Variants in CCDC7 observed in about 807,000 individuals in gnomAD.
The protein encoded by CCDC7 is coiled-coil domain-containing protein 7.
Under a neutral mutation model 196.9 loss-of-function variants are expected in CCDC7, and 183 were observed. That is an observed-to-expected ratio of 0.93 (90% confidence interval 0.82 to 1.05). The LOEUF (loss-of-function observed/expected upper bound fraction) is 1.05, where lower values mean the gene tolerates loss of function less well. Among genes scored for constraint, CCDC7 ranks in the 50% least tolerant of loss-of-function variants. The probability of loss-of-function intolerance (pLI) is 0.00; values close to 1 mark genes in which losing one functional copy is unlikely to be tolerated. For synonymous variants in CCDC7, 525 were observed against 484.6 expected (o/e 1.08, Z -1.10); for missense variants, 1,540 against 1,482.2 (o/e 1.04, Z -0.64).
upstream of CCDC7, among the ~76,000 whole-genome samples, chr10:32,443,417 T>C (rs1429366814): frequency 6.6e-6 from 1 of 152,180 alleles, no homozygotes; most frequent in Non-Finnish European, 1.5e-5. Context: ...ACCCTTCACA[T>C]TATCCCTTGA....
intron 18 of CCDC7, among the ~76,000 whole-genome samples, chr10:32,597,025 A>G (rs11527642): frequency 0.089 from 13,542 of 152,056 alleles, 858 homozygotes; most frequent in East Asian, 0.33. Flanking sequence ...TTCTCAAGGA[A>G]TATCTTTGTG....
intron 41 of CCDC7, among the ~76,000 whole-genome samples, chr10:32,871,142 T>C (rs2094413960): frequency 6.6e-6 from 1 of 152,212 alleles, no homozygotes; most frequent in South Asian, 2.1e-4. Flanking sequence ...ATTCTCTCTT[T>C]TTCTATTGAT....
At chr10:32,799,999 C>G (rs2084444161) in intron 29 of CCDC7, among the ~76,000 whole-genome samples, 1 of 152,234 alleles carries the variant, frequency 6.6e-6, no homozygotes, top group Admixed American at 6.5e-5. Flanking sequence ...TTTGCCAAGT[C>G]AGTGGCCACA....
In CCDC7 at chr10:32,595,987, T is replaced by G. The variant is rs138279031; in HGVS notation, c.1801+11683T>G. Among the ~76,000 whole-genome samples, 1,004 of 152,294 alleles carry G rather than the reference T, an allele frequency of 6.6e-3. 8 individuals are homozygous for G. Among genetic ancestry groups the G allele is most frequent in the African/African-American group, 0.022 (899 of 41,564 alleles). ...ACTATGTGGTCAATTTTGGAATACG[T>G]GTGATGTGGTGCTGAGAAGAATGTA... On this transcript the variant is annotated intron_variant, in intron 18 of 41. Coordinates refer to ENST00000639629, the Ensembl canonical transcript of CCDC7.
At chr10:32,445,409 C>T (rs1347072543), upstream of CCDC7, among the ~76,000 whole-genome samples, 1 of 152,144 alleles carries the variant, frequency 6.6e-6, no homozygotes, top group Non-Finnish European at 1.5e-5. Context: ...TTGAAATCTA[C>T]TAAGTCAAAT....
intron 11 of CCDC7, among the ~76,000 whole-genome samples, chr10:32,537,681 G>A (rs2050744315): frequency 1.3e-5 from 2 of 152,114 alleles, no homozygotes; most frequent in African/African-American, 4.8e-5. Flanking sequence ...GTGGTGTAAG[G>A]TAGGGGTACA....
chr10:32,766,395 G>A (rs1412673258), intron 28 of CCDC7, among the ~76,000 whole-genome samples: 1 of 151,988 alleles, frequency 6.6e-6, no homozygotes, highest in Non-Finnish European at 1.5e-5. Flanking sequence ...AACAAGAGAA[G>A]GTTCTGCAAC....
chr10:32,750,570 C>T (rs1360113595), intron 28 of CCDC7, among the ~76,000 whole-genome samples: 5 of 152,108 alleles, frequency 3.3e-5, no homozygotes, highest in African/African-American at 9.7e-5. Context: ...GGGAAGAAAC[C>T]ATGGAAATAC....
intron 9 of CCDC7, among the ~76,000 whole-genome samples, chr10:32,493,142 A>G (rs1589153227): frequency 6.6e-6 from 1 of 151,542 alleles, no homozygotes; most frequent in Admixed American, 6.6e-5. Context: ...GAAATTTTGT[A>G]CCCTTTGACC....
At chr10:32,468,077 T>G (rs1195156304) in intron 5 of CCDC7, among the ~76,000 whole-genome samples, 1 of 152,190 alleles carries the variant, frequency 6.6e-6, no homozygotes, top group African/African-American at 2.4e-5. Flanking sequence ...GGCTCTTTTT[T>G]GGTTCCAATA....
chr10:32,878,986 A>C (rs2094689856), downstream of CCDC7, among the ~76,000 whole-genome samples: 1 of 152,272 alleles, frequency 6.6e-6, no homozygotes, highest in East Asian at 1.9e-4. Context: ...GGGGCCATTC[A>C]TGCTGTTCAG....
intron 20 of CCDC7, among the ~76,000 whole-genome samples, chr10:32,646,670 A>C (rs2067826018): frequency 6.6e-6 from 1 of 152,116 alleles, no homozygotes; most frequent in Admixed American, 6.6e-5. Context: ...TCAGGTTTGG[A>C]GTATGGATCC....
chr10:32,678,570 C>G (rs2075378369), intron 21 of CCDC7, among the ~76,000 whole-genome samples: 1 of 152,060 alleles, frequency 6.6e-6, no homozygotes, highest in South Asian at 2.1e-4. Context: ...CTCTTCCTGC[C>G]TCTTTTTTTT....
chr10:32,577,234 C>T (rs545432909), intron 16 of CCDC7, among the ~76,000 whole-genome samples: 32 of 152,054 alleles, frequency 2.1e-4, no homozygotes, highest in African/African-American at 4.8e-4. Context: ...TGGTCGTGCG[C>T]GCCTGTAGTC....
intron 16 of CCDC7, among the ~76,000 whole-genome samples, chr10:32,574,793 G>A (rs974524082): frequency 6.6e-6 from 1 of 152,220 alleles, no homozygotes; most frequent in South Asian, 2.1e-4. Context: ...CTTTCATTAG[G>A]ACTTTCATTA....
chr10:32,731,804 A>G (rs992759078), intron 28 of CCDC7, among the ~76,000 whole-genome samples: 1 of 152,224 alleles, frequency 6.6e-6, no homozygotes, highest in African/African-American at 2.4e-5. Context: ...CTGTAATCCC[A>G]GCACTTTGGG....
intron 28 of CCDC7, among the ~76,000 whole-genome samples, chr10:32,777,333 G>A (rs946454965): frequency 9.9e-5 from 15 of 152,134 alleles, no homozygotes; most frequent in Non-Finnish European, 2.2e-4. Flanking sequence ...ATGGCACTGT[G>A]GTGAACGTAT....
chr10:32,660,361 T>G (rs1438558283), intron 20 of CCDC7, among the ~76,000 whole-genome samples: 7 of 138,986 alleles, frequency 5.0e-5, no homozygotes, highest in Non-Finnish European at 3.1e-5. Flanking sequence ...CACCTATGAG[T>G]GAGAATATGT....
chr10:32,777,084 G>A (rs1371713757), intron 28 of CCDC7, among the ~76,000 whole-genome samples: 1 of 152,040 alleles, frequency 6.6e-6, no homozygotes, highest in Non-Finnish European at 1.5e-5. Flanking sequence ...CTCTATGTCT[G>A]TGTTTACCCA....
Sources: gnomAD v4.1 joint callset for allele counts (sites outside exome capture counted in the v4.1 genomes callset) on GRCh38, gnomAD v4.1.1 for gene constraint, MANE v1.5 for transcripts, NCBI Gene and HGNC (gene_info 2026-07-23, HGNC 2026-07-21) for gene names.